TAF3: variants seen among roughly 807,000 people sequenced by gnomAD.
TAF3 encodes the protein transcription initiation factor TFIID subunit 3.
Under a neutral mutation model 80.6 loss-of-function variants are expected in TAF3, and 7 were observed. That is an observed-to-expected ratio of 0.09 (90% CI 0.05 to 0.16). The LOEUF is 0.16. Among genes scored for constraint, TAF3 ranks in the 10% least tolerant of loss-of-function variants. TAF3 has a pLI of 1.00. For synonymous variants in TAF3, 444 were observed against 446.1 expected (o/e 1.00, Z 0.06); for missense variants, 921 against 1,140.2 (o/e 0.81, Z 2.77).
chr10:8,013,444 T>C (rs1429006766), intron 5 of TAF3, among the ~76,000 whole-genome samples: 4 of 152,166 alleles, frequency 2.6e-5, no homozygotes, highest in Admixed American at 2.0e-4. Context: ...ACAGGTCATA[T>C]TGTTCACAGA....
intron 2 of TAF3, among the ~76,000 whole-genome samples, chr10:7,867,088 A>G (rs551513327): frequency 6.6e-6 from 1 of 152,058 alleles, no homozygotes; most frequent in Non-Finnish European, 1.5e-5. Flanking sequence ...GCGAAACCCC[A>G]TCTGCACTAA....
intron 2 of TAF3, among the ~76,000 whole-genome samples, chr10:7,900,404 A>T (rs1056178545): frequency 1.3e-5 from 2 of 152,222 alleles, no homozygotes; most frequent in Non-Finnish European, 2.9e-5. Context: ...TTGTTTTGGT[A>T]GCCTGAAATT....
intron 2 of TAF3, among the ~76,000 whole-genome samples, chr10:7,874,560 G>C (rs1343302826): frequency 6.6e-6 from 1 of 151,766 alleles, no homozygotes; most frequent in East Asian, 1.9e-4. Flanking sequence ...AGCTCTATAA[G>C]CTCTATATAT....
intron 2 of TAF3, among the ~76,000 whole-genome samples, chr10:7,866,756 A>G (rs1265660930): frequency 2.0e-5 from 3 of 152,180 alleles, no homozygotes; most frequent in Non-Finnish European, 2.9e-5. Context: ...AGAAAGCCCA[A>G]TTAGAGGCGA....
At chr10:7,996,116 G>T (rs1340196773) in intron 4 of TAF3, among the ~76,000 whole-genome samples, 1 of 152,182 alleles carries the variant, frequency 6.6e-6, no homozygotes, top group Non-Finnish European at 1.5e-5. Flanking sequence ...GAAACTTAGT[G>T]ATTTGAAGCA....
At chr10:8,010,405 C>A (rs1832043542) in intron 5 of TAF3, among the ~76,000 whole-genome samples, 1 of 152,198 alleles carries the variant, frequency 6.6e-6, no homozygotes, top group African/African-American at 2.4e-5. Context: ...TGAAATCTCA[C>A]ATTGAATTTC....
At chr10:7,888,443 C>G (rs1370167671) in intron 2 of TAF3, among the ~76,000 whole-genome samples, 1 of 152,114 alleles carries the variant, frequency 6.6e-6, no homozygotes, top group Non-Finnish European at 1.5e-5. Context: ...ACTTTTGATA[C>G]ATTTAAACAT....
chr10:7,926,898 A>G (rs1837821014), intron 2 of TAF3, among the ~76,000 whole-genome samples: 1 of 152,200 alleles, frequency 6.6e-6, no homozygotes, highest in Non-Finnish European at 1.5e-5. Context: ...AATGTCAGAG[A>G]GAAGAGTATT....
intron 2 of TAF3, among the ~76,000 whole-genome samples, chr10:7,949,034 G>A (rs571192591): frequency 2.0e-5 from 3 of 152,370 alleles, no homozygotes; most frequent in African/African-American, 7.2e-5. Flanking sequence ...TGCCGCCGCT[G>A]CTGACAGCCG....
intron 2 of TAF3, among the ~76,000 whole-genome samples, chr10:7,881,863 G>C (rs940736546): frequency 6.6e-6 from 1 of 152,110 alleles, no homozygotes; most frequent in African/African-American, 2.4e-5. Flanking sequence ...AAAAAGAAAA[G>C]GATAACTGAT....
At chr10:7,896,564 G>T (rs772980542) in intron 2 of TAF3, among the ~76,000 whole-genome samples, 1 of 152,190 alleles carries the variant, frequency 6.6e-6, no homozygotes, top group Non-Finnish European at 1.5e-5. Context: ...CCTCTCATTC[G>T]ACAGTCGCAT....
At chr10:7,864,927 T>C (rs1260945852) in intron 2 of TAF3, among the ~76,000 whole-genome samples, 1 of 152,170 alleles carries the variant, frequency 6.6e-6, no homozygotes, top group Admixed American at 6.5e-5. Flanking sequence ...CTAGAAGTTT[T>C]ATAGTTTTAG....
In TAF3 at chr10:7,905,166, G is replaced by C. The variant is rs189750708; in HGVS notation, c.410-58754G>C. ...CCCTATGGTAAGAATACAACTCAAG[G>C]GGGGCTATTTATGAAATACACCCTA... On this transcript the variant is annotated intron_variant, in intron 2 of 6. Transcript: ENST00000344293. 1.2e-3 allele frequency among the ~76,000 whole-genome samples: 176 copies of C among 152,146 alleles called. 3 individuals are homozygous for C. The South Asian group carries it at 0.013, about 11-fold the overall frequency.
At chr10:7,934,874 G>A (rs968131763) in intron 2 of TAF3, among the ~76,000 whole-genome samples, 12 of 152,202 alleles carry the variant, frequency 7.9e-5, no homozygotes, top group African/African-American at 2.9e-4. Flanking sequence ...CTCCCATGCG[G>A]CAGGCATGTT....
chr10:7,930,626 G>A (rs928188946), intron 2 of TAF3, among the ~76,000 whole-genome samples: 2 of 152,100 alleles, frequency 1.3e-5, no homozygotes, highest in African/African-American at 4.8e-5. Context: ...GACACTAAGG[G>A]AAAAGTACCT....
intron 2 of TAF3, among the ~76,000 whole-genome samples, chr10:7,901,165 G>A (rs1837555152): frequency 6.6e-6 from 1 of 152,128 alleles, no homozygotes. Flanking sequence ...TTTTATTAAA[G>A]CTATTTGTAA....
intron 4 of TAF3, among the ~76,000 whole-genome samples, chr10:8,004,115 A>T (rs1397521204): frequency 6.6e-6 from 1 of 151,994 alleles, no homozygotes; most frequent in African/African-American, 2.4e-5. Flanking sequence ...CAGTGGCATG[A>T]TCACGGCCCA....
chr10:7,840,708 C>T (rs555036215), intron 2 of TAF3, among the ~76,000 whole-genome samples: 125 of 152,154 alleles, frequency 8.2e-4, no homozygotes, highest in African/African-American at 2.9e-3. Flanking sequence ...AAAGTTAGTA[C>T]TTTTGCTGTA....
intron 4 of TAF3, among the ~76,000 whole-genome samples, chr10:7,999,572 C>G (rs988802014): frequency 1.3e-5 from 2 of 151,774 alleles, no homozygotes; most frequent in South Asian, 2.1e-4. Flanking sequence ...TTCTCCCGCC[C>G]CAGCATCTCA....
Sources: allele counts gnomAD v4.1 joint callset (sites outside exome capture counted in the v4.1 genomes callset), GRCh38; gene constraint gnomAD v4.1.1; transcripts MANE v1.5; gene names NCBI Gene and HGNC (gene_info 2026-07-23, HGNC 2026-07-21).